ESRRB: variants seen among roughly 807,000 people sequenced by gnomAD.
ESRRB encodes the protein estrogen related receptor beta, also known as steroid hormone receptor ERR2.
ESRRB carries 16 observed loss-of-function variants against 46.0 expected under a neutral mutation model. That is an observed-to-expected ratio of 0.35 (90% CI 0.24 to 0.53). The LOEUF is 0.53. ESRRB is among the 20% of genes least tolerant of loss of function. The pLI is 0.93. For synonymous variants in ESRRB, 246 were observed against 259.6 expected (o/e 0.95, Z 0.50); for missense variants, 488 against 607.4 (o/e 0.80, Z 2.07).
chr14:76,412,490 C>A (rs745686574), intron 1 of ESRRB, among the ~76,000 whole-genome samples: 1 of 152,188 alleles, frequency 6.6e-6, no homozygotes, highest in Non-Finnish European at 1.5e-5. Flanking sequence ...TCCCACCCTA[C>A]CCTGGCTGGA....
At chr14:76,405,079 C>T (rs961846293) in intron 1 of ESRRB, among the ~76,000 whole-genome samples, 4 of 152,062 alleles carry the variant, frequency 2.6e-5, no homozygotes, top group South Asian at 2.1e-4. Context: ...AGGATGGGCT[C>T]GCAGATTTTG....
intron 2 of ESRRB, among the ~76,000 whole-genome samples, chr14:76,459,020 T>C (rs1056669714): frequency 2.0e-5 from 3 of 151,956 alleles, no homozygotes; most frequent in African/African-American, 7.3e-5. Context: ...AAGTTTTGTA[T>C]TTTTAGTAGA....
intron 1 of ESRRB, among the ~76,000 whole-genome samples, chr14:76,335,443 T>C (rs1425437962): frequency 6.6e-6 from 1 of 152,190 alleles, no homozygotes; most frequent in Non-Finnish European, 1.5e-5. Context: ...CCAGTACAAT[T>C]TAATGTACAC....
At chr14:76,473,733 T>C (rs1423934046) in intron 3 of ESRRB, among the ~76,000 whole-genome samples, 1 of 152,218 alleles carries the variant, frequency 6.6e-6, no homozygotes, top group Non-Finnish European at 1.5e-5. Context: ...TTACTTCCAT[T>C]AAGAAAAATG....
chr14:76,463,445 G>GTTTTGTTTTTTTTTTTTTTTTTT (rs1555342250), intron 3 of ESRRB: 10 of 114,708 alleles, frequency 8.7e-5, no homozygotes, highest in African/African-American at 3.3e-4. Context: ...ATGCTTCTTT[G>GTTTTGTTTTTTTTTTTTTTTTTT]TTTTTTTTTT....
chr14:76,356,592 C>A (rs1249071068), intron 1 of ESRRB, among the ~76,000 whole-genome samples: 3 of 152,236 alleles, frequency 2.0e-5, no homozygotes, highest in Non-Finnish European at 4.4e-5. Flanking sequence ...CCCCACCAAC[C>A]TCACGTGACC....
chr14:76,481,991 A>C (rs377501217), intron 3 of ESRRB, 25 bp from the exon 4 acceptor site: 16 of 1,605,264 alleles, frequency 1.0e-5, no homozygotes, highest in Non-Finnish European at 1.4e-5. Context: ...AACTGCTGAG[A>C]TCTTTTCCCT....
At chr14:76,401,221 C>A (rs1885929554) in intron 1 of ESRRB, among the ~76,000 whole-genome samples, 1 of 152,176 alleles carries the variant, frequency 6.6e-6, no homozygotes, top group Non-Finnish European at 1.5e-5. Flanking sequence ...TCCAAATCCC[C>A]CACGCTGGCT....
At chr14:76,358,319 A>G (rs1220818565) in intron 1 of ESRRB, among the ~76,000 whole-genome samples, 4 of 79,986 alleles carry the variant, frequency 5.0e-5, no homozygotes, top group Admixed American at 1.5e-4. Flanking sequence ...CTCAAAAAAA[A>G]AAAAAAAGAA....
In ESRRB at chr14:76,432,699, G is replaced by A. The variant is rs527348353; in HGVS notation, c.51-6642G>A. The stretch of plus-strand genomic sequence containing the variant: ...TTTTTTTTTTTTTTTTTTCTGAGAC[G>A]GTGTCTCGCCCTGTCACCCAGGCTG... On this transcript the variant is annotated intron_variant, in intron 1 of 6. Transcript: ENST00000644823. 1.6e-4 allele frequency among the ~76,000 whole-genome samples: 18 copies of A among 114,048 alleles called. 1 individual carries two copies. The highest frequency in any genetic ancestry group is 1.1e-3 in the Admixed American group (13 of 12,102). The allele number at this position is 114,048 out of a possible 152,430, so 74.8% of individuals were successfully genotyped here.
intron 1 of ESRRB, among the ~76,000 whole-genome samples, chr14:76,335,502 C>T (rs1035755815): frequency 6.6e-6 from 1 of 152,220 alleles, no homozygotes; most frequent in Non-Finnish European, 1.5e-5. Flanking sequence ...ATGTGCCAGG[C>T]ACTGGATGCT....
intron 1 of ESRRB, among the ~76,000 whole-genome samples, chr14:76,359,987 T>G (rs1393244437): frequency 6.6e-6 from 1 of 152,082 alleles, no homozygotes; most frequent in African/African-American, 2.4e-5. Flanking sequence ...CACCTCTCCT[T>G]ATTTTCTGAC....
chr14:76,360,586 A>T (rs1470944100), intron 1 of ESRRB, among the ~76,000 whole-genome samples: 2 of 152,176 alleles, frequency 1.3e-5, no homozygotes, highest in African/African-American at 4.8e-5. Flanking sequence ...AATACCCTGG[A>T]CACTGACCAA....
chr14:76,481,427 A>G (rs986500578), intron 3 of ESRRB, among the ~76,000 whole-genome samples: 5 of 152,208 alleles, frequency 3.3e-5, no homozygotes, highest in Admixed American at 1.3e-4. Context: ...AGATATTTCC[A>G]GGCACTGATT....
chr14:76,375,067 A>G (rs1388697992), upstream of ESRRB, among the ~76,000 whole-genome samples: 2 of 151,282 alleles, frequency 1.3e-5, no homozygotes, highest in Non-Finnish European at 2.9e-5. Context: ...CTTCCCCCCT[A>G]CTGCTCATTG....
intron 1 of ESRRB, among the ~76,000 whole-genome samples, chr14:76,400,704 A>G (rs1885903743): frequency 6.6e-6 from 1 of 152,300 alleles, no homozygotes; most frequent in African/African-American, 2.4e-5. Context: ...GCTGTCCTCA[A>G]GCTGGGCCTT....
rs577804857 is a variant in ESRRB at position 76,478,737 on chromosome 14, A to G, written c.578-3279A>G. Among the ~76,000 whole-genome samples the G allele has an allele frequency of 8.5e-5, 13 of 152,260 alleles. No individual in the cohort carries two copies. The South Asian group carries it at 1.0e-3, about 12-fold the overall frequency. Reference sequence around the variant, plus strand: ...GTGGAGGGTTTGGTTTGGCCTGGGTATAGTGAACAGAGGAGGCTTCTATGT... The same window carrying G: ...GTGGAGGGTTTGGTTTGGCCTGGGTGTAGTGAACAGAGGAGGCTTCTATGT... On this transcript the variant is annotated intron_variant, in intron 3 of 6. Coordinates refer to ENST00000644823, the MANE Select transcript of ESRRB (RefSeq NM_001379180.1).
intron 1 of ESRRB, among the ~76,000 whole-genome samples, chr14:76,351,239 C>G (rs1358594856): frequency 3.4e-4 from 52 of 152,244 alleles, no homozygotes; most frequent in Admixed American, 3.4e-3. Context: ...CAAAGTACCA[C>G]ACACTGAGTG....
intron 1 of ESRRB, among the ~76,000 whole-genome samples, chr14:76,333,341 A>G (rs1884080413): frequency 1.4e-5 from 1 of 71,036 alleles, no homozygotes; most frequent in Non-Finnish European, 2.3e-5. Context: ...TTTTATATAT[A>G]TGATATATTT....
Sources: gnomAD v4.1 joint callset for allele counts (sites outside exome capture counted in the v4.1 genomes callset) on GRCh38, gnomAD v4.1.1 for gene constraint, MANE v1.5 for transcripts, NCBI Gene and HGNC (gene_info 2026-07-23, HGNC 2026-07-21) for gene names.